The following SLC31A1 variants were observed in gnomAD, a reference collection of about 807,000 sequenced individuals.
SLC31A1 encodes the protein high affinity copper uptake protein 1.
A neutral mutation model predicts 17.2 loss-of-function variants in SLC31A1; 5 were observed. That is an observed-to-expected ratio of 0.29 (90% CI 0.15 to 0.61). SLC31A1 has a LOEUF of 0.61. Among genes scored for constraint, SLC31A1 ranks in the 20% least tolerant of loss-of-function variants. The probability of loss-of-function intolerance (pLI) is 0.86; values close to 1 mark genes in which losing one functional copy is unlikely to be tolerated. For synonymous variants in SLC31A1, 76 were observed against 78.8 expected (o/e 0.96, Z 0.19); for missense variants, 161 against 241.4 (o/e 0.67, Z 2.21).
At chr9:113,257,761 T>C (rs1341341673) in intron 3 of SLC31A1, among the ~76,000 whole-genome samples, 1 of 152,150 alleles carries the variant, frequency 6.6e-6, no homozygotes, top group Non-Finnish European at 1.5e-5. Flanking sequence ...GTGCTGGGAT[T>C]ACAGGCATGA....
Position 113,260,497 on chromosome 9 carries a change from T to A in SLC31A1, c.*24T>A. 6.2e-7 allele frequency: 1 copy of A among 1,600,208 alleles called. No individual in the cohort carries two copies. Among genetic ancestry groups the A allele is most frequent in the Non-Finnish European group, 8.5e-7 (1 of 1,171,146 alleles). On this transcript the variant is annotated 3_prime_UTR_variant, in exon 5 of 5. Transcript: ENST00000374212. ...GACATCAAACTCTATGGCGTGGCCT[T>A]ATCGATTGCAGTGGGAAGTTGTTGA...
intron 1 of SLC31A1, among the ~76,000 whole-genome samples, chr9:113,242,777 A>G (rs934477686): frequency 1.5e-4 from 23 of 152,224 alleles, no homozygotes; most frequent in South Asian, 2.1e-4. Flanking sequence ...TTTATGTGAC[A>G]CTTGTCAAGG....
intron 1 of SLC31A1, among the ~76,000 whole-genome samples, chr9:113,233,551 T>A (rs1831422913): frequency 6.6e-6 from 1 of 152,190 alleles, no homozygotes; most frequent in South Asian, 2.1e-4. Flanking sequence ...ATATTTAATT[T>A]CCCCTCCCTC....
At chr9:113,243,015 T>G (rs1486847370) in intron 1 of SLC31A1, among the ~76,000 whole-genome samples, 1 of 152,054 alleles carries the variant, frequency 6.6e-6, no homozygotes, top group Non-Finnish European at 1.5e-5. Flanking sequence ...CCCAAGAGCT[T>G]TGTGTTTTAT....
At position 113,258,549 on chromosome 9, in the gene SLC31A1, T is replaced by A; in HGVS notation, c.203-145T>A. 1.2e-6 allele frequency: 1 copy of A among 828,596 alleles called. No individual in the cohort carries two copies. 51.3% of individuals were successfully genotyped at this position (828,596 alleles called of 1,614,324 possible). ...TTACACCATCTTAGCCGTTCTCCTA[T>A]CTGAGCAAGAGAAGAGGTAAAAATA... On this transcript the variant is annotated intron_variant, in intron 3 of 4. Transcript: ENST00000374212. This position sits in a 1 kb window ranked among gnomAD's most constrained non-coding sequence, Gnocchi z 4.8.
In SLC31A1 at chr9:113,260,982, C is replaced by T. The variant is rs529821020; in HGVS notation, c.*509C>T. The T allele has an allele frequency of 2.0e-4, 48 of 245,824 alleles. No homozygotes were observed. Among genetic ancestry groups the T allele is most frequent in the South Asian group, 1.6e-3 (32 of 19,714 alleles). 15.2% of individuals were successfully genotyped at this position (245,824 alleles called of 1,614,324 possible). A position where few individuals can be genotyped will look rare whatever the true frequency, so the allele number is the denominator to read the frequency against. ...AACATTAGAAAATAAGGTCCAGGGC[C>T]GGACACAGTGGCCCATGCCTGTAAT... On this transcript the variant is annotated 3_prime_UTR_variant, in exon 5 of 5. Transcript: ENST00000374212.
chr9:113,223,329 A>G, intron 1 of SLC31A1: 1 of 73,366 alleles, frequency 1.4e-5, no homozygotes, highest in South Asian at 2.0e-4. Context: ...GGTGCACCTA[A>G]AAAAAAAAAA....
At chr9:113,244,885 A>C (rs1241864324) in intron 1 of SLC31A1, among the ~76,000 whole-genome samples, 1 of 152,204 alleles carries the variant, frequency 6.6e-6, no homozygotes, top group Non-Finnish European at 1.5e-5. Context: ...GGGGAGAACA[A>C]TATGTGTTTG....
intron 1 of SLC31A1, among the ~76,000 whole-genome samples, chr9:113,254,086 CTG>C (rs1174000904): frequency 6.6e-6 from 1 of 150,748 alleles, no homozygotes; most frequent in African/African-American, 2.4e-5. Flanking sequence ...ACCCGAGTAA[CTG>C]GGATTACAGG....
intron 1 of SLC31A1, among the ~76,000 whole-genome samples, chr9:113,228,224 A>G (rs1215612681): frequency 6.6e-6 from 1 of 152,204 alleles, no homozygotes; most frequent in African/African-American, 2.4e-5. Flanking sequence ...TATCTAGAAA[A>G]CACTGAAATT....
chr9:113,221,761 GCTTTC>G (rs1213644594), intron 1 of SLC31A1, 83 bp downstream of exon 1: 1 of 192,460 alleles, frequency 5.2e-6, no homozygotes, highest in Non-Finnish European at 1.1e-5. Flanking sequence ...CTTCCTCGCC[GCTTTC>G]CTCAGCTCCG....
intron 1 of SLC31A1, among the ~76,000 whole-genome samples, chr9:113,252,950 TTTTC>T (rs1450980119): frequency 0.027 from 3,001 of 110,270 alleles, 46 homozygotes; most frequent in Non-Finnish European, 0.04. Flanking sequence ...TCTTTTCTTT[TTTTC>T]TTTTTTTTTT....
At chr9:113,254,457 C>A (rs1273764663) in intron 1 of SLC31A1, among the ~76,000 whole-genome samples, 2 of 152,104 alleles carry the variant, frequency 1.3e-5, no homozygotes, top group African/African-American at 4.8e-5. Flanking sequence ...TACTTGGTTT[C>A]ATGAACATGA....
intron 4 of SLC31A1, 104 bp from the exon 5 acceptor site, chr9:113,260,168 C>A: frequency 2.1e-6 from 2 of 945,750 alleles, no homozygotes; most frequent in Non-Finnish European, 1.7e-6. Context: ...GCCAGAGTGG[C>A]TGTCCAGTTC....
chr9:113,239,557 A>G (rs949401452), intron 1 of SLC31A1, among the ~76,000 whole-genome samples: 1 of 152,186 alleles, frequency 6.6e-6, no homozygotes, highest in Non-Finnish European at 1.5e-5. Context: ...TGCCCTGGAA[A>G]TAAAATTTAG....
intron 1 of SLC31A1, among the ~76,000 whole-genome samples, chr9:113,237,010 A>C (rs1385542511): frequency 6.6e-6 from 1 of 152,242 alleles, no homozygotes; most frequent in Admixed American, 6.5e-5. Context: ...AAGGAGTAGA[A>C]TAAATGGTGA....
intron 1 of SLC31A1, among the ~76,000 whole-genome samples, chr9:113,250,876 T>G (rs756246112): frequency 3.9e-5 from 6 of 152,060 alleles, no homozygotes; most frequent in Non-Finnish European, 8.8e-5. Flanking sequence ...AGTGAGTTAT[T>G]GCTCTCATAG....
Position 113,264,425 on chromosome 9 carries a change from G to A in SLC31A1, c.*3952G>A, listed in dbSNP as rs1831831955. The A allele has an allele frequency of 1.3e-5, 2 of 152,552 alleles. No individual in the cohort carries two copies. Among genetic ancestry groups the A allele is most frequent in the Admixed American group, 6.5e-5 (1 of 15,278 alleles). 9.4% of individuals were successfully genotyped at this position (152,552 alleles called of 1,614,324 possible). ...TAAGCTCCTGGAGAGCAGTATTGCT[G>A]TAGTAGGAATGTTTTAACAGTGTCA... On this transcript the variant is annotated 3_prime_UTR_variant, in exon 5 of 5. Transcript: ENST00000374212.
chr9:113,223,331 A>T, intron 1 of SLC31A1: 2 of 344,294 alleles, frequency 5.8e-6, no homozygotes, highest in South Asian at 2.3e-5. Context: ...TGCACCTAAA[A>T]AAAAAAAAAA....
Sources: gnomAD v4.1 joint callset for allele counts (sites outside exome capture counted in the v4.1 genomes callset) on GRCh38, gnomAD v4.1.1 for gene constraint, Gnocchi (gnomAD v3.1) non-coding constraint, MANE v1.5 for transcripts, NCBI Gene and HGNC (gene_info 2026-07-23, HGNC 2026-07-21) for gene names.